The following PAK4 variants were observed in gnomAD, a reference collection of about 807,000 sequenced individuals.
PAK4 encodes p21 (RAC1) activated kinase 4.
Under a neutral mutation model 53.5 loss-of-function variants are expected in PAK4, and 49 were observed. That is an observed-to-expected ratio of 0.92 (90% CI 0.73 to 1.16). The LOEUF is 1.16. PAK4 is among the 50% of genes most tolerant of loss of function. The probability of loss-of-function intolerance (pLI) is 0.00; values close to 1 mark genes in which losing one functional copy is unlikely to be tolerated. For missense variants in PAK4, 824 were observed against 850.7 expected (o/e 0.97, Z 0.39); for synonymous variants, 376 against 375.6 (o/e 1.00, Z -0.01).
chr19:39,129,356 C>T (rs1457816464), intron 1 of PAK4, among the ~76,000 whole-genome samples: 1 of 151,950 alleles, frequency 6.6e-6, no homozygotes, highest in Non-Finnish European at 1.5e-5. Flanking sequence ...CTGAGGTGGT[C>T]CGTTGGAGCT....
chr19:39,138,699 C>T (rs1289471320), intron 1 of PAK4, among the ~76,000 whole-genome samples: 1 of 152,156 alleles, frequency 6.6e-6, no homozygotes, highest in East Asian at 1.9e-4. Context: ...TGGTACCGCC[C>T]CTGGACCCTG....
At chr19:39,176,845 G>A (rs1215410525) in intron 7 of PAK4, 130 bp downstream of exon 8, 11 of 1,083,212 alleles carry the variant, frequency 1.0e-5, no homozygotes, top group Admixed American at 2.2e-5. Flanking sequence ...GGACAAGGAG[G>A]TACTGCAGGC....
chr19:39,174,993 G>T (rs768752423), exon 5 of PAK4: 2 of 1,613,824 alleles, frequency 1.2e-6, no homozygotes, highest in Admixed American at 3.3e-5. Flanking sequence ...GCTACCTGGT[G>T]GGGGACGAGC....
At chr19:39,137,137 A>T (rs1008856990) in intron 1 of PAK4, among the ~76,000 whole-genome samples, 2 of 151,374 alleles carry the variant, frequency 1.3e-5, no homozygotes, top group Non-Finnish European at 2.9e-5. Context: ...GGTGCCTGAT[A>T]CATAAATATA....
intron 4 of PAK4, among the ~76,000 whole-genome samples, chr19:39,174,579 G>T (rs1301004032): frequency 6.6e-6 from 1 of 151,978 alleles, no homozygotes; most frequent in Admixed American, 6.6e-5. Context: ...GGAGCTCCTC[G>T]CCTGGGTTCC....
At chr19:39,177,900 TGATGGCGCCTGG>T in intron 8 of PAK4, 91 bp downstream of exon 9, 2 of 1,413,544 alleles carry the variant, frequency 1.4e-6, no homozygotes, top group Non-Finnish European at 1.9e-6. Context: ...ATGGGGACAA[TGATGGCGCCTGG>T]GATGGCGCTT....
chr19:39,162,931 C>T (rs928810013), intron 1 of PAK4, among the ~76,000 whole-genome samples: 1 of 151,934 alleles, frequency 6.6e-6, no homozygotes. Context: ...AGGAACGAGG[C>T]TCAGTGTGGG....
At chr19:39,169,448 T>C (rs2074434353) in intron 1 of PAK4, 84 bp from the exon 3 acceptor site, 6 of 980,058 alleles carry the variant, frequency 6.1e-6, no homozygotes, top group Non-Finnish European at 7.9e-6. Flanking sequence ...CGGTGTAAGA[T>C]GAGGATGGGA....
intron 1 of PAK4, chr19:39,167,961 C>G (rs2074406646): frequency 6.6e-6 from 1 of 152,438 alleles, no homozygotes; most frequent in Non-Finnish European, 1.5e-5. Context: ...CCCTCGTCCC[C>G]TGGTCTCAAC....
At position 39,176,517 on chromosome 19, in the gene PAK4, C is replaced by T. The variant is rs549400030; in HGVS notation, c.1360-73C>T. 3.8e-5 allele frequency: 60 copies of T among 1,588,878 alleles called. 1 individual carries two copies. The Middle Eastern group carries it at 6.7e-4, about 18-fold the overall frequency. ...CATTGTGTCTGAAGCCAAGGAATGACGCAGGCAGACGCCCCTGCTCGCCCT... is the reference window on the plus strand; with the variant it reads ...CATTGTGTCTGAAGCCAAGGAATGATGCAGGCAGACGCCCCTGCTCGCCCT... On this transcript the variant is annotated intron_variant, in intron 6 of 8. Transcript: ENST00000358301.
intron 1 of PAK4, among the ~76,000 whole-genome samples, chr19:39,148,026 A>T (rs1453402039): frequency 1.4e-5 from 2 of 138,766 alleles, no homozygotes; most frequent in Non-Finnish European, 3.1e-5. Context: ...ATCTCGGTTC[A>T]CTGTGGCCTC....
At position 39,178,510 on chromosome 19, in the gene PAK4, C is replaced by G. The variant is rs771416465; in HGVS notation, c.1707C>G (p.His569Gln). The G allele has an allele frequency of 5.6e-6, 9 of 1,612,330 alleles. No individual in the cohort carries two copies. In the Admixed American group the frequency reaches 1.5e-4, roughly 27 times the overall value. ...CCACGGCAGCCGAGCTGCTGAAGCA[C>G]CCATTCCTGGCCAAGGCAGGGCCGC... is the stretch of plus-strand genomic sequence containing the variant. Residue 569 changes from histidine to glutamine, a missense_variant, in exon 9 of 9, where the codon CAC (histidine) becomes CAG (glutamine). Physicochemically the swap from His to Gln is conservative, Grantham distance 24. Around this residue, in one of 2 missense-constraint regions of PAK4, gnomAD observed 346 missense variants for 415.0 expected, o/e 0.83. Coordinates refer to ENST00000358301, the Ensembl canonical transcript of PAK4. This position sits in a 1 kb window ranked among gnomAD's most constrained non-coding sequence, Gnocchi z 4.4.
intron 2 of PAK4, among the ~76,000 whole-genome samples, chr19:39,172,197 C>T (rs910537331): frequency 8.8e-5 from 13 of 148,422 alleles, no homozygotes; most frequent in Admixed American, 2.0e-4. Context: ...CAGAGGGAGC[C>T]GCCAGCGGAG....
chr19:39,167,187 G>A (rs902713779), intron 1 of PAK4, among the ~76,000 whole-genome samples: 2 of 152,180 alleles, frequency 1.3e-5, no homozygotes, highest in Admixed American at 6.5e-5. Flanking sequence ...TCCTCTTCCC[G>A]TGGCTCTGGG....
At chr19:39,137,160 TA>T (rs202097113) in intron 1 of PAK4, among the ~76,000 whole-genome samples, 35,522 of 151,850 alleles carry the variant, frequency 0.23, 4,421 homozygotes, top group East Asian at 0.38. Context: ...TGTGATTGTT[TA>T]TTTTTTTCCA....
rs534634634 is a variant in PAK4 at position 39,147,991 on chromosome 19, G to A, written c.-22-21541G>A. On this transcript the variant is annotated intron_variant, in intron 1 of 8. Coordinates refer to ENST00000358301, the Ensembl canonical transcript of PAK4. ...TTTTTAGATGGAGTCTCACTCTGTC[G>A]CCCAGGCTGGAGTACAGTGGTGTGA... 3.2e-3 allele frequency among the ~76,000 whole-genome samples: 428 copies of A among 132,948 alleles called. 5 individuals are homozygous for A. The highest frequency in any genetic ancestry group is 0.012 in the African/African-American group (407 of 34,020). The allele number at this position is 132,948 out of a possible 152,430, so 87.2% of individuals were successfully genotyped here. A position where few individuals can be genotyped will look rare whatever the true frequency, so the allele number is the denominator to read the frequency against.
intron 1 of PAK4, among the ~76,000 whole-genome samples, chr19:39,150,834 C>T (rs929124431): frequency 2.0e-5 from 3 of 152,260 alleles, no homozygotes; most frequent in Non-Finnish European, 4.4e-5. Context: ...CACACCGTCC[C>T]CGTTCAGGCC....
At chr19:39,180,053 A>G (rs1197962092), downstream of PAK4, 5 of 152,322 alleles carry the variant, frequency 3.3e-5, no homozygotes, top group Non-Finnish European at 7.3e-5. Context: ...CTCCGTCCCC[A>G]AAGCCAGCCA....
Position 39,172,520 on chromosome 19 carries a change from C to G in PAK4, c.205-398C>G, listed in dbSNP as rs1407561740. Among the ~76,000 whole-genome samples the G allele has an allele frequency of 3.3e-5, 5 of 152,226 alleles. No individual in the cohort carries two copies. The East Asian group carries it at 7.8e-4, about 24-fold the overall frequency. On this transcript the variant is annotated intron_variant, in intron 2 of 8. Coordinates refer to ENST00000358301, the Ensembl canonical transcript of PAK4. ...CTGGCGCCCACATGGGAGGAAGTGC[C>G]AGGCCAGGCCCTGGCCCCAGCGCCC...
Sources: allele counts gnomAD v4.1 joint callset (sites outside exome capture counted in the v4.1 genomes callset), GRCh38; gene constraint gnomAD v4.1.1; regional missense constraint gnomAD v4.1.1; non-coding constraint Gnocchi (gnomAD v3.1); transcripts MANE v1.5; gene names NCBI Gene and HGNC (gene_info 2026-07-23, HGNC 2026-07-21).